The following RBM6 variants were observed in gnomAD, a reference collection of about 807,000 sequenced individuals.
RBM6 encodes the protein RNA binding motif protein 6, also known as RNA-binding protein 6.
In RBM6, 23 loss-of-function variants were observed where a neutral mutation model predicts 140.4. The observed-to-expected ratio is 0.16, with a 90% CI of 0.12 to 0.23. The LOEUF (loss-of-function observed/expected upper bound fraction) is 0.23. RBM6 is among the 10% of genes least tolerant of loss of function. RBM6 has a pLI of 1.00. For missense variants in RBM6, 1,139 were observed against 1,386.7 expected, an observed-to-expected ratio of 0.82 and a Z score of 2.84; for synonymous variants, 439 against 475.6, an observed-to-expected ratio of 0.92 and a Z score of 1.00.
chr3:50,051,257 C>T (rs1215686163), intron 7 of RBM6, among the ~76,000 whole-genome samples: 1 of 152,074 alleles, frequency 6.6e-6, no homozygotes, highest in Admixed American at 6.6e-5. Context: ...GGAGGATCAC[C>T]TGAGCCCAGG....
At position 50,059,689 on chromosome 3, in the gene RBM6, C is replaced by T. The variant is rs1575841431; in HGVS notation, c.2171C>T (p.Pro724Leu). ...GTGAAGATCTTACAGAACCTTGATC[C>T]GCCATTTAGCATTGATGGGAAGATG... ...RVVKILQNLD[P>L]PFSIDGKMVA... The change falls in exon 11 of 21, where the codon CCG becomes CTG. Residue 724 changes from proline (P) to leucine (L), a missense_variant. Pro to Leu is a moderately conservative substitution (Grantham distance 98, BLOSUM62 -3). Transcript: ENST00000266022. The T allele has an allele frequency of 1.2e-6, 2 of 1,613,592 alleles. No homozygotes were observed. Among genetic ancestry groups the T allele is most frequent in the African/African-American group, 2.7e-5 (2 of 74,996 alleles).
chr3:49,941,298 C>G (rs2083270382), intron 1 of RBM6, among the ~76,000 whole-genome samples: 1 of 152,154 alleles, frequency 6.6e-6, no homozygotes, highest in African/African-American at 2.4e-5. Flanking sequence ...TAGCATCTAA[C>G]TAGATACCTA....
chr3:50,057,971 C>T lies in RBM6; in HGVS notation c.1937C>T (p.Ser646Phe), dbSNP rs1177237334. Residue 646 changes from serine to phenylalanine, a missense_variant, in exon 9 of 21, where the codon TCT becomes TTT. Physicochemically the swap from Ser to Phe is radical, Grantham distance 155 (BLOSUM62 -2). Around this residue, in one of 9 missense-constraint regions of RBM6, gnomAD observed 109 missense variants for 101.9 expected, o/e 1.07. Transcript: ENST00000266022. ...AGAGACCGAGAGAGGGAGTCATGGTCTGGAGAGACACGCCAGGATGGAGAG... is the reference window on the plus strand; with the variant it reads ...AGAGACCGAGAGAGGGAGTCATGGTTTGGAGAGACACGCCAGGATGGAGAG... ...FRRDRERESW[S>F]GETRQDGESK... 2 of 1,613,860 alleles carry T rather than the reference C, an allele frequency of 1.2e-6. No individual in the cohort carries two copies. Among genetic ancestry groups the T allele is most frequent in the Non-Finnish European group, 1.7e-6 (2 of 1,180,038 alleles).
At chr3:50,049,943 C>G (rs530375573) in intron 7 of RBM6, among the ~76,000 whole-genome samples, 3 of 151,818 alleles carry the variant, frequency 2.0e-5, no homozygotes, top group Non-Finnish European at 4.4e-5. Context: ...TCACCTCAAC[C>G]TCCCAAATAG....
chr3:49,952,141 T>G (rs373269693), intron 1 of RBM6, among the ~76,000 whole-genome samples: 35 of 152,128 alleles, frequency 2.3e-4, no homozygotes, highest in Admixed American at 4.6e-4. Context: ...TTCAAGTGAT[T>G]CTCCTGCCTC....
At chr3:49,975,021 T>A (rs1002940410) in intron 4 of RBM6, among the ~76,000 whole-genome samples, 7 of 151,546 alleles carry the variant, frequency 4.6e-5, no homozygotes, top group Non-Finnish European at 8.8e-5. Flanking sequence ...TTTTTTTTTT[T>A]AGAGATAGGG....
At chr3:49,941,467 C>A (rs921492659) in intron 1 of RBM6, among the ~76,000 whole-genome samples, 6 of 151,538 alleles carry the variant, frequency 4.0e-5, no homozygotes, top group African/African-American at 1.2e-4. Context: ...ATGGAGAAAC[C>A]GCGTCTCTAC....
intron 6 of RBM6, among the ~76,000 whole-genome samples, chr3:50,032,793 C>T (rs905902491): frequency 6.6e-6 from 1 of 151,958 alleles, no homozygotes; most frequent in African/African-American, 2.4e-5. Context: ...CGAGACTAGC[C>T]TGGCCAACAT....
At chr3:50,022,276 A>T (rs554858319) in intron 6 of RBM6, among the ~76,000 whole-genome samples, 24 of 151,848 alleles carry the variant, frequency 1.6e-4, no homozygotes, top group Non-Finnish European at 2.8e-4. Flanking sequence ...GAAATATTTA[A>T]TAATTTTTTT....
chr3:49,971,985 G>C, intron 3 of RBM6, 74 bp from the exon 4 acceptor site: 1 of 1,133,152 alleles, frequency 8.8e-7, no homozygotes, highest in Non-Finnish European at 1.3e-6. Context: ...ATCCTGAGTG[G>C]CTAAATTTCA....
intron 5 of RBM6, among the ~76,000 whole-genome samples, chr3:49,977,538 C>T (rs575696914): frequency 6.6e-5 from 10 of 152,232 alleles, no homozygotes; most frequent in African/African-American, 1.4e-4. Context: ...TATTTTTCTC[C>T]GTGGTTTTGT....
intron 6 of RBM6, among the ~76,000 whole-genome samples, chr3:50,017,534 G>A (rs1264100922): frequency 6.6e-6 from 1 of 150,628 alleles, no homozygotes; most frequent in Non-Finnish European, 1.5e-5. Flanking sequence ...CTCCAGCCTG[G>A]GCGACAGAGC....
chr3:49,993,636 T>A (rs2085931443), intron 5 of RBM6, among the ~76,000 whole-genome samples: 2 of 151,710 alleles, frequency 1.3e-5, no homozygotes, highest in African/African-American at 4.8e-5. Flanking sequence ...AGTGAGACTC[T>A]GTCTCAAAAG....
intron 1 of RBM6, 85 bp from the exon 2 acceptor site, chr3:49,962,491 T>A (rs540678693): frequency 3.1e-6 from 2 of 652,822 alleles, no homozygotes; most frequent in South Asian, 3.9e-5. Context: ...GCTGATGTGG[T>A]CCCTCATAAA....
chr3:49,961,408 C>T (rs955047483), intron 1 of RBM6, among the ~76,000 whole-genome samples: 1 of 152,140 alleles, frequency 6.6e-6, no homozygotes, highest in South Asian at 2.1e-4. Context: ...GTCTCAAACT[C>T]CTTGGCTCAA....
intron 6 of RBM6, among the ~76,000 whole-genome samples, chr3:50,000,351 T>C (rs941973868): frequency 8.0e-5 from 12 of 150,882 alleles, no homozygotes; most frequent in South Asian, 2.1e-4. Context: ...TTTTTCTTTT[T>C]TTTTTTTTTT....
chr3:50,033,985 T>G (rs749566500), intron 6 of RBM6, among the ~76,000 whole-genome samples: 5 of 152,010 alleles, frequency 3.3e-5, no homozygotes, highest in Admixed American at 6.6e-5. Context: ...TTATTATACA[T>G]AAACATACAA....
chr3:50,041,305 A>G (rs2088904756), intron 6 of RBM6, among the ~76,000 whole-genome samples: 1 of 152,114 alleles, frequency 6.6e-6, no homozygotes, highest in Non-Finnish European at 1.5e-5. Flanking sequence ...TGTTGGGTAA[A>G]AAGTCTAGTC....
intron 6 of RBM6, among the ~76,000 whole-genome samples, chr3:50,008,096 T>G (rs1325916801): frequency 6.6e-6 from 1 of 152,036 alleles, no homozygotes; most frequent in Admixed American, 6.6e-5. Flanking sequence ...ATGCTGTCTC[T>G]CAAAGCAAAA....
Sources: allele counts gnomAD v4.1 joint callset (sites outside exome capture counted in the v4.1 genomes callset), GRCh38; gene constraint gnomAD v4.1.1; regional missense constraint gnomAD v4.1.1; transcripts MANE v1.5; gene names NCBI Gene and HGNC (gene_info 2026-07-23, HGNC 2026-07-21).